FHOD1: variants seen among roughly 807,000 people sequenced by gnomAD.
The protein encoded by FHOD1 is formin homology 2 domain containing 1.
Under a neutral mutation model 111.6 loss-of-function variants are expected in FHOD1, and 89 were observed. That is an observed-to-expected ratio of 0.80 (90% CI 0.67 to 0.95). The LOEUF is 0.95. Among genes scored for constraint, FHOD1 ranks in the 40% least tolerant of loss-of-function variants. The probability of loss-of-function intolerance (pLI) is 0.00; values close to 1 mark genes in which losing one functional copy is unlikely to be tolerated. For missense variants in FHOD1, 1,446 were observed against 1,554.2 expected, an observed-to-expected ratio of 0.93 and a Z score of 1.17; for synonymous variants, 618 against 639.0, an observed-to-expected ratio of 0.97 and a Z score of 0.50.
intron 2 of FHOD1, among the ~76,000 whole-genome samples, 177 bp downstream of exon 2, chr16:67,239,171 C>T (rs1398167377): frequency 6.6e-6 from 1 of 152,208 alleles, no homozygotes; most frequent in African/African-American, 2.4e-5. Context: ...CCCCTAACTC[C>T]CACCTTGGGC....
intron 1 of FHOD1, among the ~76,000 whole-genome samples, chr16:67,241,750 A>G (rs2034674598): frequency 2.0e-5 from 3 of 152,352 alleles, no homozygotes; most frequent in Admixed American, 2.0e-4. Context: ...ATAAACGGGA[A>G]GGGAAAACAT....
chr16:67,239,081 C>T, intron 2 of FHOD1, 114 bp from the exon 3 acceptor site: 1 of 1,030,296 alleles, frequency 9.7e-7, no homozygotes, highest in South Asian at 1.3e-5. Flanking sequence ...TTGTTCCTCC[C>T]AGCTGCTCCT....
intron 11 of FHOD1, 184 bp from the exon 12 acceptor site, chr16:67,234,656 T>G: frequency 1.8e-6 from 1 of 554,512 alleles, no homozygotes; most frequent in South Asian, 2.4e-5. Context: ...GTCCTCCACA[T>G]CTGGGGAGGA....
Position 67,230,721 on chromosome 16 carries a change from A to T in FHOD1, c.2738T>A (p.Leu913Gln). 1.2e-6 allele frequency: 2 copies of T among 1,613,232 alleles called. No homozygotes were observed. Among genetic ancestry groups the T allele is most frequent in the South Asian group, 2.2e-5 (2 of 90,998 alleles). ...ERRSRAAEES[L>Q]RSLAKHELAP... ...CAGCTCATGCTTGGCCAAGCTCCGC[A>T]GGCTCTCCTCGGCTGCCCGGCTCCG... Residue 913 changes from leucine (L) to glutamine (Q), a missense_variant, in exon 18 of 22, where the codon CTG becomes CAG. By Grantham distance (113) the Leu-to-Gln change is moderately radical (BLOSUM62 -2). Around this residue, in one of 3 missense-constraint regions of FHOD1, gnomAD observed 1,085 missense variants for 1,108.8 expected, o/e 0.98. Coordinates refer to ENST00000258201, the MANE Select transcript of FHOD1 (RefSeq NM_013241.3).
chr16:67,237,578 C>A lies in FHOD1; in HGVS notation c.755-9G>T, dbSNP rs1291668178. On this transcript the variant is annotated splice_polypyrimidine_tract_variant and intron_variant, in intron 7 of 21. Transcript: ENST00000258201. The surrounding 1 kb of genome is among the most constrained non-coding windows in gnomAD (Gnocchi z 5.6). ...GGCCCAGGGAGGAGCACCTGCCACA[C>A]AGAAAGTGGAGCAGTCATGGGGGAA... 1 of 1,614,074 alleles carries A rather than the reference C, an allele frequency of 6.2e-7. No individual in the cohort carries two copies. Among genetic ancestry groups the A allele is most frequent in the African/African-American group, 1.3e-5 (1 of 75,024 alleles).
Position 67,230,663 on chromosome 16 carries a change from G to C in FHOD1, c.2796C>G (p.Phe932Leu), listed in dbSNP as rs563505509. 1.9e-6 allele frequency: 3 copies of C among 1,614,104 alleles called. No individual in the cohort carries two copies. Among genetic ancestry groups the C allele is most frequent in the Non-Finnish European group, 2.5e-6 (3 of 1,179,982 alleles). Residue 932 changes from phenylalanine to leucine, a missense_variant, in exon 18 of 22, where the codon TTC (phenylalanine) becomes TTG (leucine). By Grantham distance (22) the Phe-to-Leu change is conservative. Coordinates refer to ENST00000258201, the MANE Select transcript of FHOD1 (RefSeq NM_013241.3). ...CAACACGGCGGGCACACTGGTCCAGGAAGTGGGTGAGGCGGGCACGCAGGG... is the reference window on the plus strand; with the variant it reads ...CAACACGGCGGGCACACTGGTCCAGCAAGTGGGTGAGGCGGGCACGCAGGG... ...APALRARLTH[F>L]LDQCARRVAM...
At chr16:67,244,264 G>A (rs372293636) in intron 1 of FHOD1, among the ~76,000 whole-genome samples, 3 of 152,100 alleles carry the variant, frequency 2.0e-5, no homozygotes, top group South Asian at 2.1e-4. Flanking sequence ...CTTGGGTATC[G>A]GAGAGGCTCC....
At position 67,230,672 on chromosome 16, in the gene FHOD1, G is replaced by A. The variant is rs756999242; in HGVS notation, c.2787C>T (p.Leu929=). The A allele has an allele frequency of 1.4e-4, 225 of 1,613,928 alleles. 3 individuals are homozygous for A. The East Asian group carries it at 2.2e-3, about 16-fold the overall frequency. ...HELAPALRAR[L]THFLDQCARR... ...GGGCACACTGGTCCAGGAAGTGGGT[G>A]AGGCGGGCACGCAGGGCTGGGGCCA... is the stretch of plus-strand genomic sequence containing the variant. The change falls in exon 18 of 22, where the codon CTC becomes CTT. Residue 929 remains leucine (L), a synonymous_variant. Coordinates refer to ENST00000258201, the MANE Select transcript of FHOD1 (RefSeq NM_013241.3).
chr16:67,247,295 C>T lies in FHOD1; in HGVS notation c.116G>A (p.Arg39Gln). ...CCCGTCCAGGCTGCAGGTGGGGGCCCGGCGCGGCTCCGGAAAGTTGGCACA... is the reference window on the plus strand; with the variant it reads ...CCCGTCCAGGCTGCAGGTGGGGGCCTGGCGCGGCTCCGGAAAGTTGGCACA... ...FACANFPEPR[R>Q]APTCSLDGAL... Residue 39 changes from arginine (R) to glutamine (Q), a missense_variant, in exon 1 of 22, where the codon CGG becomes CAG. By Grantham distance (43) the Arg-to-Gln change is conservative (BLOSUM62 1). Transcript: ENST00000258201. 1 of 1,613,090 alleles carries T rather than the reference C, an allele frequency of 6.2e-7. No individual in the cohort carries two copies.
At position 67,231,115 on chromosome 16, in the gene FHOD1, G is replaced by T; in HGVS notation, c.2667+73C>A. 6.4e-7 allele frequency: 1 copy of T among 1,567,484 alleles called. No individual in the cohort carries two copies. Among genetic ancestry groups the T allele is most frequent in the Non-Finnish European group, 8.7e-7 (1 of 1,150,330 alleles). On this transcript the variant is annotated intron_variant, in intron 17 of 21. Transcript: ENST00000258201. This position sits in a 1 kb window ranked among gnomAD's most constrained non-coding sequence, Gnocchi z 4.3. ...CACAGCAGCCCAAATGGGGAGAAGG[G>T]GGAGGAGCCAGGCCCAGGAAGCAGC...
Position 67,230,228 on chromosome 16 carries a change from T to A in FHOD1, c.3052A>T (p.Thr1018Ser). 1 of 1,613,826 alleles carries A rather than the reference T, an allele frequency of 6.2e-7. No homozygotes were observed. Residue 1018 changes from threonine to serine, a missense_variant and splice_region_variant, in exon 20 of 22, where the codon ACA becomes TCA. Coordinates refer to ENST00000258201, the MANE Select transcript of FHOD1 (RefSeq NM_013241.3). ...NKTRGRMITE[T>S]EKFSGVAGEA... Reference sequence around the variant, plus strand: ...CCAGCCACACCTGAGAACTTCTCTGTCTGGAGAAAGAAGAAGGGTGAGCTG... The same window carrying A: ...CCAGCCACACCTGAGAACTTCTCTGACTGGAGAAAGAAGAAGGGTGAGCTG...
At chr16:67,230,257 G>A (rs773422266) in intron 19 of FHOD1, 29 bp from the exon 20 acceptor site, 52 of 1,613,418 alleles carry the variant, frequency 3.2e-5, no homozygotes, top group Non-Finnish European at 4.2e-5. Context: ...TGAGCTGGGA[G>A]GAGCGAAGGA....
intron 13 of FHOD1, 129 bp from the exon 14 acceptor site, chr16:67,232,323 C>T (rs2034310479): frequency 1.7e-5 from 14 of 809,358 alleles, no homozygotes; most frequent in Non-Finnish European, 2.7e-5. Context: ...CGAGACCATC[C>T]TGGCTAACAT....
intron 1 of FHOD1, among the ~76,000 whole-genome samples, chr16:67,241,409 C>T (rs909532516): frequency 6.6e-6 from 1 of 152,180 alleles, no homozygotes; most frequent in Non-Finnish European, 1.5e-5. Flanking sequence ...GCCTACCACC[C>T]CACCCCCATT....
chr16:67,235,877 G>T, intron 11 of FHOD1: 1 of 199,526 alleles, frequency 5.0e-6, no homozygotes, highest in Non-Finnish European at 9.0e-6. Context: ...TTGGGTTACC[G>T]AGGAGGCATA....
rs935379715 is a variant in FHOD1, at chr16:67,247,034, A to G, written c.201+176T>C. 17 of 690,342 alleles carry G rather than the reference A, an allele frequency of 2.5e-5. No individual in the cohort carries two copies. The African/African-American group carries it at 2.6e-4, about 11-fold the overall frequency. The allele number at this position is 690,342 out of a possible 1,614,324, so 42.8% of individuals were successfully genotyped here. A position where few individuals can be genotyped will look rare whatever the true frequency, so the allele number is the denominator to read the frequency against. ...TGGCACCCCTCTTCAGTTTCCCCTCAACTTGAGAGGGGACTCCCCCGCAGG... is the reference window on the plus strand; with the variant it reads ...TGGCACCCCTCTTCAGTTTCCCCTCGACTTGAGAGGGGACTCCCCCGCAGG... On this transcript the variant is annotated intron_variant, in intron 1 of 21. Transcript: ENST00000258201.
At chr16:67,235,374 A>G (rs1166479281) in intron 11 of FHOD1, among the ~76,000 whole-genome samples, 1 of 152,066 alleles carries the variant, frequency 6.6e-6, no homozygotes, top group Non-Finnish European at 1.5e-5. Context: ...TACTAAAAAT[A>G]CAAAAATTAC....
intron 13 of FHOD1, 43 bp from the exon 14 acceptor site, chr16:67,232,237 G>A (rs747480496): frequency 6.2e-7 from 1 of 1,605,524 alleles, no homozygotes; most frequent in South Asian, 1.1e-5. Flanking sequence ...GAGGAAGGGG[G>A]CCTGACGCGG....
In FHOD1 at chr16:67,247,272, C is replaced by A. The variant is rs1307485450; in HGVS notation, c.139G>T (p.Gly47Trp). ...PRRAPTCSLD[G>W]ALPLGAQIPA... Reference sequence around the variant, plus strand: ...ATCTGCGCGCCCAAGGGCAGCGCCCCGTCCAGGCTGCAGGTGGGGGCCCGG... The same window carrying A: ...ATCTGCGCGCCCAAGGGCAGCGCCCAGTCCAGGCTGCAGGTGGGGGCCCGG... The change falls in exon 1 of 22, where the codon GGG (glycine) becomes TGG (tryptophan). Residue 47 changes from glycine (G) to tryptophan (W), a missense_variant. Physicochemically the swap from Gly to Trp is radical, Grantham distance 184. Transcript: ENST00000258201. The A allele has an allele frequency of 2.5e-6, 4 of 1,611,990 alleles. No homozygotes were observed. Among genetic ancestry groups the A allele is most frequent in the Non-Finnish European group, 1.7e-6 (2 of 1,179,392 alleles).
Sources: gnomAD v4.1 joint callset for allele counts (sites outside exome capture counted in the v4.1 genomes callset) on GRCh38, gnomAD v4.1.1 for gene constraint, gnomAD v4.1.1 regional missense constraint, Gnocchi (gnomAD v3.1) non-coding constraint, MANE v1.5 for transcripts, NCBI Gene and HGNC (gene_info 2026-07-23, HGNC 2026-07-21) for gene names.